The following EYS variants were observed in gnomAD, a reference collection of about 807,000 sequenced individuals.
EYS encodes the protein protein eyes shut homolog.
EYS carries 250 observed loss-of-function variants against 282.1 expected under a neutral mutation model. The observed-to-expected ratio is 0.89, with a 90% CI of 0.80 to 0.98. EYS has a LOEUF of 0.98. Among genes scored for constraint, EYS ranks in the 50% least tolerant of loss-of-function variants. The pLI is 0.00. For missense variants in EYS, 4,016 were observed against 3,709.0 expected (o/e 1.08, Z -2.15); for synonymous variants, 1,355 against 1,282.9 (o/e 1.06, Z -1.20).
chr6:65,491,451 T>C (rs1766039613), intron 4 of EYS: 1 of 323,708 alleles, frequency 3.1e-6, no homozygotes, highest in South Asian at 2.5e-5. Context: ...ATATGTTTTT[T>C]TCCCCAGTTT....
chr6:64,512,078 T>C (rs968144951), intron 26 of EYS, among the ~76,000 whole-genome samples: 2 of 152,100 alleles, frequency 1.3e-5, no homozygotes, highest in African/African-American at 4.8e-5. Context: ...TTTAATTATA[T>C]GTGCATGTGT....
At chr6:64,516,715 T>C (rs1777569642) in intron 26 of EYS, among the ~76,000 whole-genome samples, 1 of 151,820 alleles carries the variant, frequency 6.6e-6, no homozygotes, top group South Asian at 2.1e-4. Context: ...ACATTTGTAC[T>C]TGGTTAAATG....
intron 13 of EYS, among the ~76,000 whole-genome samples, chr6:65,040,688 C>T (rs770903445): frequency 2.0e-5 from 3 of 151,618 alleles, no homozygotes; most frequent in Non-Finnish European, 3.0e-5. Context: ...CAAATGTCTC[C>T]TGGAAAGGCA....
At chr6:63,889,416 C>A (rs1219042568) in intron 35 of EYS, among the ~76,000 whole-genome samples, 4 of 152,202 alleles carry the variant, frequency 2.6e-5, no homozygotes, top group Non-Finnish European at 5.9e-5. Context: ...ATTAGACTAA[C>A]AGCTGATCTC....
At chr6:65,414,824 G>C (rs1412572742) in intron 5 of EYS, among the ~76,000 whole-genome samples, 1 of 152,014 alleles carries the variant, frequency 6.6e-6, no homozygotes, top group African/African-American at 2.4e-5. Context: ...AAAGCCAAGA[G>C]AACAGGTATG....
chr6:64,797,320 ATTG>A (rs1044845544), intron 22 of EYS, among the ~76,000 whole-genome samples: 2 of 151,908 alleles, frequency 1.3e-5, no homozygotes, highest in Non-Finnish European at 2.9e-5. Flanking sequence ...GAAAAAAAAA[ATTG>A]ACCTTCAGGG....
chr6:64,008,230 A>C (rs1176160653), intron 33 of EYS, among the ~76,000 whole-genome samples: 3 of 152,032 alleles, frequency 2.0e-5, no homozygotes, highest in African/African-American at 7.2e-5. Flanking sequence ...TTATGTAATA[A>C]GTTTATTTAT....
intron 22 of EYS, among the ~76,000 whole-genome samples, chr6:64,648,560 TTGA>T (rs1408671718): frequency 8.5e-5 from 13 of 152,312 alleles, no homozygotes; most frequent in African/African-American, 2.9e-4. Flanking sequence ...AAAAAACTGA[TTGA>T]TAATAAATTA....
chr6:64,983,481 CAAA>C (rs200570711), intron 14 of EYS, among the ~76,000 whole-genome samples: 293 of 151,324 alleles, frequency 1.9e-3, no homozygotes, highest in African/African-American at 6.4e-3. Context: ...TCCCCCCACA[CAAA>C]ACTTATACTT....
chr6:65,490,500 C>A (rs1172886166), intron 5 of EYS, 94 bp downstream of exon 5: 3 of 772,436 alleles, frequency 3.9e-6, no homozygotes, highest in Admixed American at 4.2e-5. Flanking sequence ...TTGTATTTTT[C>A]AATAATAAAG....
At chr6:64,191,337 ATATTAT>A (rs967466158) in intron 31 of EYS, among the ~76,000 whole-genome samples, 1 of 151,716 alleles carries the variant, frequency 6.6e-6, no homozygotes, top group African/African-American at 2.4e-5. Flanking sequence ...TTTATTATTA[ATATTAT>A]TATTATACTT....
chr6:64,382,834 G>A (rs1374114027), intron 29 of EYS, among the ~76,000 whole-genome samples: 1 of 152,158 alleles, frequency 6.6e-6, no homozygotes, highest in Non-Finnish European at 1.5e-5. Flanking sequence ...CATAGATGCA[G>A]AGCTGAAAAA....
At chr6:64,284,133 GTCTCATCT>G (rs1768407040) in intron 30 of EYS, among the ~76,000 whole-genome samples, 2 of 152,166 alleles carry the variant, frequency 1.3e-5, no homozygotes, top group African/African-American at 2.4e-5. Flanking sequence ...ACAGTCGAAA[GTCTCATCT>G]GAGATAAGGC....
chr6:65,383,914 C>T (rs1296342625), intron 8 of EYS, among the ~76,000 whole-genome samples: 1 of 151,764 alleles, frequency 6.6e-6, no homozygotes, highest in African/African-American at 2.4e-5. Context: ...CTGATAATTT[C>T]TCTAATAGAC....
chr6:64,029,826 A>G (rs938301199), intron 33 of EYS, among the ~76,000 whole-genome samples: 3 of 152,216 alleles, frequency 2.0e-5, no homozygotes, highest in Admixed American at 2.0e-4. Flanking sequence ...GGGAAAGGGA[A>G]AAAGAATAAA....
At chr6:65,170,051 A>T (rs1289596327) in intron 12 of EYS, among the ~76,000 whole-genome samples, 1 of 151,586 alleles carries the variant, frequency 6.6e-6, no homozygotes, top group Non-Finnish European at 1.5e-5. Context: ...TTTTTGTGAT[A>T]AGGTAATGAT....
chr6:65,232,126 T>C (rs2150268928), intron 12 of EYS, among the ~76,000 whole-genome samples: 1 of 152,170 alleles, frequency 6.6e-6, no homozygotes, highest in South Asian at 2.1e-4. Context: ...GCCTTCTCTT[T>C]TCTGAAGTTC....
At chr6:64,506,644 G>A (rs183709988) in intron 26 of EYS, among the ~76,000 whole-genome samples, 6 of 152,204 alleles carry the variant, frequency 3.9e-5, no homozygotes, top group Admixed American at 3.9e-4. Flanking sequence ...CGGGCATGGT[G>A]GCCCACGCAT....
At chr6:64,216,598 A>G (rs1765935979) in intron 31 of EYS, among the ~76,000 whole-genome samples, 1 of 152,158 alleles carries the variant, frequency 6.6e-6, no homozygotes, top group Admixed American at 6.6e-5. Context: ...TGCTTCCTTT[A>G]TACAATTCCT....
Sources: allele counts gnomAD v4.1 joint callset (sites outside exome capture counted in the v4.1 genomes callset), GRCh38; gene constraint gnomAD v4.1.1; transcripts MANE v1.5; gene names NCBI Gene and HGNC (gene_info 2026-07-23, HGNC 2026-07-21).